Variants in NMT2 observed in about 807,000 individuals in gnomAD.
NMT2 encodes N-myristoyltransferase 2.
A neutral mutation model predicts 65.4 loss-of-function variants in NMT2; 35 were observed. The ratio of observed to expected loss-of-function variants is 0.54; its 90% CI spans 0.41 to 0.71. NMT2 has a LOEUF of 0.71. Among genes scored for constraint, NMT2 ranks in the 30% least tolerant of loss-of-function variants. NMT2 has a pLI of 0.00. For missense variants in NMT2, 489 were observed against 611.3 expected (o/e 0.80, Z 2.11); for synonymous variants, 226 against 231.8 (o/e 0.98, Z 0.23).
intron 10 of NMT2, among the ~76,000 whole-genome samples, chr10:15,112,174 T>TA (rs1845541889): frequency 6.9e-5 from 2 of 28,876 alleles, no homozygotes; most frequent in Admixed American, 6.4e-4. Flanking sequence ...GATATGGGCT[T>TA]TATATATATA....
chr10:15,151,475 A>C (rs1832800562), intron 1 of NMT2, among the ~76,000 whole-genome samples: 1 of 152,252 alleles, frequency 6.6e-6, no homozygotes, highest in African/African-American at 2.4e-5. Flanking sequence ...ATTGGCCAGA[A>C]ACACGTCTCA....
intron 8 of NMT2, among the ~76,000 whole-genome samples, chr10:15,122,102 AG>A (rs2131509716): frequency 6.6e-6 from 1 of 152,336 alleles, no homozygotes; most frequent in South Asian, 2.1e-4. Context: ...TTCTGCTATG[AG>A]GCAGACTTAG....
chr10:15,154,284 A>G (rs1832912317), intron 1 of NMT2, among the ~76,000 whole-genome samples: 1 of 152,236 alleles, frequency 6.6e-6, no homozygotes, highest in Non-Finnish European at 1.5e-5. Flanking sequence ...AGCCTTGGCC[A>G]TGAGGGTCCA....
chr10:15,114,736 C>T (rs541680251), intron 9 of NMT2, among the ~76,000 whole-genome samples: 6 of 152,166 alleles, frequency 3.9e-5, no homozygotes, highest in Admixed American at 1.3e-4. Context: ...GGCATGGTGG[C>T]TCATGCCTGT....
At chr10:15,125,815 T>G (rs922104799) in intron 8 of NMT2, among the ~76,000 whole-genome samples, 32 of 152,136 alleles carry the variant, frequency 2.1e-4, no homozygotes, top group African/African-American at 6.5e-4. Flanking sequence ...TACAGCCATG[T>G]GCCACCATCC....
intron 8 of NMT2, among the ~76,000 whole-genome samples, chr10:15,124,726 G>A (rs1326208): frequency 0.34 from 52,192 of 152,098 alleles, 11,157 homozygotes; most frequent in African/African-American, 0.61. Flanking sequence ...GGCATCCGGT[G>A]TATGCAGTTC....
intron 11 of NMT2, 38 bp downstream of exon 11, chr10:15,109,650 ATTGTCTAGGTACAT>A: frequency 7.1e-7 from 1 of 1,405,012 alleles, no homozygotes. Context: ...CAAGTATGAA[ATTGTCTAGGTACAT>A]TTGTTGAGTT....
chr10:15,120,444 AG>A (rs955245478), intron 8 of NMT2, among the ~76,000 whole-genome samples: 2 of 152,130 alleles, frequency 1.3e-5, no homozygotes, highest in African/African-American at 4.8e-5. Context: ...GGAGACAGGG[AG>A]GGACTTCGTC....
intron 1 of NMT2, 61 bp downstream of exon 1, chr10:15,168,442 A>T: frequency 7.8e-7 from 1 of 1,276,166 alleles, no homozygotes; most frequent in Non-Finnish European, 1.1e-6. Context: ...CCCGAACGGG[A>T]GACCGTGGCG....
rs114866794 is a variant in NMT2 at position 15,152,032 on chromosome 10, A to C, written c.111-10475T>G. On this transcript the variant is annotated intron_variant, in intron 1 of 11. Transcript: ENST00000378165. ...CAGAGTAAAACTCTGTCTCAAAAACAAAAACAAAACAAAACAGAAGTTGTA... is the reference window on the plus strand; with the variant it reads ...CAGAGTAAAACTCTGTCTCAAAAACCAAAACAAAACAAAACAGAAGTTGTA... Among the ~76,000 whole-genome samples the C allele has an allele frequency of 6.9e-3, 1,050 of 152,204 alleles. 13 individuals are homozygous for C. Among genetic ancestry groups the C allele is most frequent in the African/African-American group, 0.024 (1,007 of 41,472 alleles).
chr10:15,151,666 G>A lies in NMT2; in HGVS notation c.111-10109C>T, dbSNP rs538080846. 3.9e-5 allele frequency among the ~76,000 whole-genome samples: 6 copies of A among 152,306 alleles called. No homozygotes were observed. The East Asian group carries it at 7.7e-4, about 20-fold the overall frequency. On this transcript the variant is annotated intron_variant, in intron 1 of 11. Coordinates refer to ENST00000378165, the MANE Select transcript of NMT2 (RefSeq NM_004808.3). ...TTGACAGACAAACAGGGACAGATCCGTGGCTTATGAGCCTCGAGGGAGCTG... is the reference window on the plus strand; with the variant it reads ...TTGACAGACAAACAGGGACAGATCCATGGCTTATGAGCCTCGAGGGAGCTG...
At chr10:15,127,249 TA>T (rs558280366) in intron 8 of NMT2, among the ~76,000 whole-genome samples, 16 of 123,928 alleles carry the variant, frequency 1.3e-4, no homozygotes, top group Non-Finnish European at 2.6e-4. Flanking sequence ...AATAAAAAAA[TA>T]AAAAAAATAA....
At chr10:15,120,650 C>A (rs1845898097) in intron 8 of NMT2, among the ~76,000 whole-genome samples, 1 of 152,118 alleles carries the variant, frequency 6.6e-6, no homozygotes, top group African/African-American at 2.4e-5. Context: ...TACAACTGAG[C>A]AACTTGTTTT....
intron 3 of NMT2, among the ~76,000 whole-genome samples, chr10:15,133,812 T>C (rs1846375682): frequency 6.6e-6 from 1 of 152,190 alleles, no homozygotes; most frequent in African/African-American, 2.4e-5. Flanking sequence ...GATCTCAAAC[T>C]CCTGGGTTCA....
At chr10:15,123,084 TAA>T (rs1845974656) in intron 8 of NMT2, among the ~76,000 whole-genome samples, 1 of 152,110 alleles carries the variant, frequency 6.6e-6, no homozygotes, top group South Asian at 2.1e-4. Flanking sequence ...TAAATTCAGG[TAA>T]AAAGTATCAT....
At chr10:15,153,670 A>T (rs1365584611) in intron 1 of NMT2, among the ~76,000 whole-genome samples, 6 of 151,512 alleles carry the variant, frequency 4.0e-5, no homozygotes, top group Middle Eastern at 6.8e-3. Context: ...TTTTTTTTTG[A>T]GACAGAGTCT....
chr10:15,153,631 A>G (rs1377406819), intron 1 of NMT2, among the ~76,000 whole-genome samples: 2 of 152,014 alleles, frequency 1.3e-5, no homozygotes, highest in African/African-American at 4.8e-5. Context: ...CTACACACAG[A>G]TGTTTTGTTT....
At chr10:15,128,517 CTT>C (rs1564569321) in intron 7 of NMT2, 59 bp from the exon 8 acceptor site, 15 of 1,084,040 alleles carry the variant, frequency 1.4e-5, no homozygotes, top group East Asian at 2.4e-5. Flanking sequence ...AGTTTTCACT[CTT>C]TGTCTCAGCT....
rs145492631 is a variant in NMT2, at chr10:15,119,783, C to T, written c.1000-270G>A. Among the ~76,000 whole-genome samples, 19 of 152,248 alleles carry T rather than the reference C, an allele frequency of 1.2e-4. No individual in the cohort carries two copies. In the East Asian group the frequency reaches 2.9e-3, roughly 23 times the overall value. On this transcript the variant is annotated intron_variant, in intron 8 of 11. Coordinates refer to ENST00000378165, the MANE Select transcript of NMT2 (RefSeq NM_004808.3). ...AATGTGTTGTATCTTCCTATCTGTG[C>T]GGCAAGTCTTTGGTCACTACTGCCC...
Sources: gnomAD v4.1 joint callset for allele counts (sites outside exome capture counted in the v4.1 genomes callset) on GRCh38, gnomAD v4.1.1 for gene constraint, MANE v1.5 for transcripts, NCBI Gene and HGNC (gene_info 2026-07-23, HGNC 2026-07-21) for gene names.